C19orf81: variants seen among roughly 807,000 people sequenced by gnomAD.
C19orf81 encodes the protein putative uncharacterized protein C19orf81.
A neutral mutation model predicts 22.1 loss-of-function variants in C19orf81; 19 were observed. The ratio of observed to expected loss-of-function variants is 0.86; its 90% CI spans 0.60 to 1.26. The LOEUF (loss-of-function observed/expected upper bound fraction) is 1.26, where lower values mean the gene tolerates loss of function less well. Among genes scored for constraint, C19orf81 ranks in the 50% most tolerant of loss-of-function variants. C19orf81 has a pLI of 0.00. For synonymous variants in C19orf81, 108 were observed against 113.1 expected (o/e 0.95, Z 0.29); for missense variants, 287 against 280.7 (o/e 1.02, Z -0.16).
At chr19:50,655,648 C>CA (rs772068035) in intron 1 of C19orf81, among the ~76,000 whole-genome samples, 6,830 of 133,266 alleles carry the variant, frequency 0.051, 455 homozygotes, top group African/African-American at 0.16. Context: ...GACTCTGTCT[C>CA]AAAAAAAAAA....
At chr19:50,653,298 C>T (rs1984917752) in intron 1 of C19orf81, among the ~76,000 whole-genome samples, 1 of 152,080 alleles carries the variant, frequency 6.6e-6, no homozygotes, top group Admixed American at 6.6e-5. Context: ...TTTGGCATCC[C>T]AAAGTGCTGG....
intron 3 of C19orf81, among the ~76,000 whole-genome samples, chr19:50,657,086 G>A (rs1012849117): frequency 6.6e-6 from 1 of 152,066 alleles, no homozygotes; most frequent in Admixed American, 6.6e-5. Context: ...GGTCCTCCCT[G>A]CCTTCAATCA....
chr19:50,658,822 G>A lies in C19orf81; in HGVS notation c.402-125G>A, dbSNP rs554934941. 18 of 847,534 alleles carry A rather than the reference G, an allele frequency of 2.1e-5. No homozygotes were observed. In the East Asian group the frequency reaches 2.9e-4, roughly 14 times the overall value. 52.5% of individuals were successfully genotyped at this position (847,534 alleles called of 1,614,324 possible). ...CAGGGCTGGAGGGGAGTTTAGGGAC[G>A]GAGCGATGGTCCGCTGGACCAGGGC... On this transcript the variant is annotated intron_variant, in intron 4 of 4. Coordinates refer to ENST00000425202, the MANE Select transcript of C19orf81 (RefSeq NM_001195076.2).
At chr19:50,651,659 C>A (rs1044248774) in intron 1 of C19orf81, among the ~76,000 whole-genome samples, 1 of 151,522 alleles carries the variant, frequency 6.6e-6, no homozygotes. Context: ...GCTATGACTG[C>A]ACCATGACCC....
chr19:50,653,805 T>C lies in C19orf81; in HGVS notation c.68-2245T>C, dbSNP rs141780660. On this transcript the variant is annotated intron_variant, in intron 1 of 4. Transcript: ENST00000425202. Reference sequence around the variant, plus strand: ...TAGAGCCGGGCTGTGTCAGGTGACTTTGGGGAGGGTTCACGGGGGTGGGGC... The same window carrying C: ...TAGAGCCGGGCTGTGTCAGGTGACTCTGGGGAGGGTTCACGGGGGTGGGGC... 1.4e-4 allele frequency among the ~76,000 whole-genome samples: 21 copies of C among 147,336 alleles called. No individual in the cohort carries two copies. In the East Asian group the frequency reaches 4.4e-3, roughly 31 times the overall value.
chr19:50,656,205 G>C, intron 2 of C19orf81, 21 bp from the exon 3 acceptor site: 17 of 1,536,096 alleles, frequency 1.1e-5, no homozygotes, highest in Non-Finnish European at 1.5e-5. Flanking sequence ...AGAGGTCCCT[G>C]CCTGTTCGCT....
intron 3 of C19orf81, among the ~76,000 whole-genome samples, chr19:50,656,781 G>A (rs780903973): frequency 1.1e-4 from 17 of 151,954 alleles, no homozygotes; most frequent in African/African-American, 2.2e-4. Flanking sequence ...GTGAAACCCC[G>A]TCTCTATTAA....
intron 1 of C19orf81, among the ~76,000 whole-genome samples, chr19:50,654,131 A>G (rs1318727869): frequency 2.0e-5 from 3 of 151,878 alleles, no homozygotes; most frequent in Non-Finnish European, 2.9e-5. Context: ...GCAGGAGAGC[A>G]CCAGGGCCGG....
At chr19:50,657,411 G>A (rs1985019245) in intron 3 of C19orf81, among the ~76,000 whole-genome samples, 1 of 152,092 alleles carries the variant, frequency 6.6e-6, no homozygotes, top group Admixed American at 6.6e-5. Context: ...TAGTTCCTCA[G>A]CAATTTTATG....
At chr19:50,656,527 T>G (rs1482644084) in intron 3 of C19orf81, among the ~76,000 whole-genome samples, 181 bp downstream of exon 3, 1 of 151,998 alleles carries the variant, frequency 6.6e-6, no homozygotes, top group East Asian at 1.9e-4. Flanking sequence ...AGTCATGAAA[T>G]CTACTGCTCA....
intron 1 of C19orf81, chr19:50,649,810 T>C: frequency 1.9e-6 from 1 of 529,776 alleles, no homozygotes; most frequent in Non-Finnish European, 3.6e-6. Flanking sequence ...AACCTCACTG[T>C]CTTGTCTCCC....
chr19:50,658,213 A>G (rs1985044038), intron 4 of C19orf81, 85 bp downstream of exon 4: 2 of 1,338,036 alleles, frequency 1.5e-6, no homozygotes, highest in Non-Finnish European at 2.0e-6. Flanking sequence ...TTGGTTTTAG[A>G]GCGCTGAGGG....
rs533998922 is a variant in C19orf81, at chr19:50,658,881, T to G, written c.402-66T>G. 21 of 1,337,904 alleles carry G rather than the reference T, an allele frequency of 1.6e-5. No individual in the cohort carries two copies. The African/African-American group carries it at 2.7e-4, about 17-fold the overall frequency. 82.9% of individuals were successfully genotyped at this position (1,337,904 alleles called of 1,614,324 possible). A position where few individuals can be genotyped will look rare whatever the true frequency, so the allele number is the denominator to read the frequency against. On this transcript the variant is annotated intron_variant, in intron 4 of 4. Transcript: ENST00000425202. ...GACTCCAGGGACCAGGCAGGGACTC[T>G]TCGACGATCAAAGCCAGGGCTGAAA...
chr19:50,652,935 G>T (rs1486071352), intron 1 of C19orf81, among the ~76,000 whole-genome samples: 2 of 152,074 alleles, frequency 1.3e-5, no homozygotes, highest in African/African-American at 4.8e-5. Flanking sequence ...TGTGACTTTG[G>T]GCAAGTCACT....
In C19orf81 at chr19:50,653,583, TGA is replaced by T. The variant is rs761165263; in HGVS notation, c.68-2463_68-2462del. Among the ~76,000 whole-genome samples, 30 of 151,930 alleles carry T rather than the reference TGA, an allele frequency of 2.0e-4. 1 individual carries two copies. Among genetic ancestry groups the T allele is most frequent in the Admixed American group, 3.9e-4 (6 of 15,252 alleles). On this transcript the variant is annotated intron_variant, in intron 1 of 4. Coordinates refer to ENST00000425202, the MANE Select transcript of C19orf81 (RefSeq NM_001195076.2). Reference sequence around the variant, plus strand: ...TAAGTGTCTACCGCACGTGTGTGTGTGAGAGTGTGCAGGAGAGCCCGTTGTGA... The same window carrying T: ...TAAGTGTCTACCGCACGTGTGTGTGTGAGTGTGCAGGAGAGCCCGTTGTGA...
chr19:50,655,576 G>A (rs1413315116), intron 1 of C19orf81, among the ~76,000 whole-genome samples: 1 of 151,928 alleles, frequency 6.6e-6, no homozygotes, highest in Non-Finnish European at 1.5e-5. Flanking sequence ...GTGAACCCGG[G>A]AGGCAGAGCT....
At chr19:50,649,705 T>C in intron 1 of C19orf81, 194 bp downstream of exon 1, 1 of 703,368 alleles carries the variant, frequency 1.4e-6, no homozygotes, top group Non-Finnish European at 2.5e-6. Context: ...CATGAGCCTC[T>C]GCAGTTCCTT....
Position 50,653,682 on chromosome 19 carries a change from GCACACACACACACACACACACACACA to G in C19orf81, c.68-2334_68-2309del, listed in dbSNP as rs57915687. Among the ~76,000 whole-genome samples, 90 of 121,922 alleles carry G rather than the reference GCACACACACACACACACACACACACA, an allele frequency of 7.4e-4. 2 individuals carry two copies. The highest frequency in any genetic ancestry group is 1.7e-3 in the African/African-American group (57 of 32,744). 80.0% of individuals were successfully genotyped at this position (121,922 alleles called of 152,430 possible). On this transcript the variant is annotated intron_variant, in intron 1 of 4. Coordinates refer to ENST00000425202, the MANE Select transcript of C19orf81 (RefSeq NM_001195076.2). ...TGTTGACTTATTGTAATGAGAGACA[GCACACACACACACACACACACACACA>G]CACACACACACACACACACACACAC...
Position 50,650,491 on chromosome 19 carries a change from T to C in C19orf81, c.67+980T>C, listed in dbSNP as rs368930514. Reference sequence around the variant, plus strand: ...TCAAGGCCAGCCAGCCTGGCCAACATGGTGAAACCCCATCTCTAAAAATAC... The same window carrying C: ...TCAAGGCCAGCCAGCCTGGCCAACACGGTGAAACCCCATCTCTAAAAATAC... On this transcript the variant is annotated intron_variant, in intron 1 of 4. Coordinates refer to ENST00000425202, the MANE Select transcript of C19orf81 (RefSeq NM_001195076.2). Among the ~76,000 whole-genome samples the C allele has an allele frequency of 3.1e-4, 47 of 152,268 alleles. No homozygotes were observed. In the Middle Eastern group the frequency reaches 0.014, roughly 44 times the overall value.
Sources: allele counts gnomAD v4.1 joint callset (sites outside exome capture counted in the v4.1 genomes callset), GRCh38; gene constraint gnomAD v4.1.1; transcripts MANE v1.5; gene names NCBI Gene and HGNC (gene_info 2026-07-23, HGNC 2026-07-21).